DUSP11: variants seen among roughly 807,000 people sequenced by gnomAD.
DUSP11 encodes the protein RNA/RNP complex-1-interacting phosphatase.
DUSP11 carries 27 observed loss-of-function variants against 41.4 expected under a neutral mutation model. That is an observed-to-expected ratio of 0.65 (90% CI 0.48 to 0.90). DUSP11 has a LOEUF of 0.90. DUSP11 is among the 40% of genes least tolerant of loss of function. The pLI, the probability that DUSP11 is intolerant of heterozygous loss-of-function variation, is 0.00. For synonymous variants in DUSP11, 188 were observed against 159.3 expected (o/e 1.18, Z -1.35); for missense variants, 465 against 461.1 (o/e 1.01, Z -0.08).
chr2:73,770,827 C>A (rs934265779), intron 4 of DUSP11, among the ~76,000 whole-genome samples: 13 of 152,112 alleles, frequency 8.5e-5, no homozygotes, highest in Admixed American at 4.6e-4. Context: ...TCTGCCCAGC[C>A]CCAACCTCTC....
intron 8 of DUSP11, 39 bp downstream of exon 8, chr2:73,766,379 C>T (rs1337045038): frequency 1.3e-6 from 2 of 1,523,954 alleles, no homozygotes; most frequent in African/African-American, 2.8e-5. Flanking sequence ...GTATTAATTT[C>T]TATCTCAATT....
chr2:73,774,996 G>C (rs1443585398), exon 3 of DUSP11: 1 of 1,612,338 alleles, frequency 6.2e-7, no homozygotes. Context: ...TTGTTAAAAA[G>C]ATCCAAAGGG....
At chr2:73,769,359 A>C in intron 4 of DUSP11, 34 bp from the exon 5 acceptor site, 1 of 1,449,538 alleles carries the variant, frequency 6.9e-7, no homozygotes, top group Non-Finnish European at 9.7e-7. Context: ...AAGTAACTGA[A>C]GTAGATACAC....
chr2:73,767,109 T>G (rs1672480288), intron 6 of DUSP11, 52 bp downstream of exon 6: 3 of 1,511,706 alleles, frequency 2.0e-6, no homozygotes, highest in African/African-American at 1.4e-5. Context: ...CTTCTACATT[T>G]CCACCTTTAA....
At chr2:73,771,464 T>C (rs980504229) in intron 4 of DUSP11, among the ~76,000 whole-genome samples, 12 of 151,998 alleles carry the variant, frequency 7.9e-5, no homozygotes, top group African/African-American at 1.4e-4. Context: ...CTGCACTTAA[T>C]TTATTCTTTT....
chr2:73,769,551 T>A (rs535891528), intron 4 of DUSP11, among the ~76,000 whole-genome samples: 1 of 152,278 alleles, frequency 6.6e-6, no homozygotes, highest in African/African-American at 2.4e-5. Context: ...CACTAACAGC[T>A]AAAACTGCAA....
chr2:73,762,654 G>A, exon 9 of DUSP11: 1 of 1,607,896 alleles, frequency 6.2e-7, no homozygotes, highest in Non-Finnish European at 8.5e-7. Flanking sequence ...TCCAGGACAG[G>A]TTTGTATCAC....
chr2:73,772,310 TG>T (rs1672597731), intron 4 of DUSP11, among the ~76,000 whole-genome samples: 1 of 151,996 alleles, frequency 6.6e-6, no homozygotes, highest in Non-Finnish European at 1.5e-5. Context: ...GAGTGGAGAG[TG>T]TAGTGTCCTC....
chr2:73,772,827 C>A (rs549743744), intron 4 of DUSP11, among the ~76,000 whole-genome samples: 12 of 152,316 alleles, frequency 7.9e-5, no homozygotes, highest in African/African-American at 2.6e-4. Context: ...ACCCACTGAT[C>A]CAGTCTCTAT....
rs1165419307 is a variant in DUSP11, at chr2:73,766,447, G to T, written c.906C>A (p.Thr302=). 2.5e-6 allele frequency: 4 copies of T among 1,612,774 alleles called. No individual in the cohort carries two copies. The Admixed American group carries it at 6.7e-5, about 27-fold the overall frequency. The stretch of plus-strand genomic sequence containing the variant: ...CTGATTGTTGCAAACTTTGGGTCTG[G>T]GTGTGGAAATGTCGAGGAGCTGAGT... The change falls in exon 8 of 9, where the codon ACC becomes ACA. Residue 302 remains threonine, a synonymous_variant. Transcript: ENST00000272444.
chr2:73,765,545 C>T (rs1207731430), intron 8 of DUSP11, among the ~76,000 whole-genome samples: 1 of 151,962 alleles, frequency 6.6e-6, no homozygotes, highest in African/African-American at 2.4e-5. Context: ...CTCCTCCTCC[C>T]ATCCACCCAC....
intron 2 of DUSP11, among the ~76,000 whole-genome samples, chr2:73,777,999 A>G (rs1043225382): frequency 2.6e-5 from 4 of 152,154 alleles, no homozygotes; most frequent in African/African-American, 9.7e-5. Context: ...TGGCGCAGGC[A>G]ACTATTACTC....
intron 5 of DUSP11, chr2:73,768,676 G>T: frequency 1.0e-6 from 1 of 985,400 alleles, no homozygotes; most frequent in Non-Finnish European, 1.2e-6. Flanking sequence ...AAGGAGTCTG[G>T]CCAGGCGCGG....
At chr2:73,779,281 A>G (rs1672746308) in intron 1 of DUSP11, among the ~76,000 whole-genome samples, 1 of 152,250 alleles carries the variant, frequency 6.6e-6, no homozygotes. Flanking sequence ...AAGATAGTAG[A>G]TAAAATGAAG....
chr2:73,772,509 C>T (rs180840402), intron 4 of DUSP11, among the ~76,000 whole-genome samples: 124 of 152,296 alleles, frequency 8.1e-4, no homozygotes, highest in African/African-American at 3.0e-3. Flanking sequence ...ATAACGTGAA[C>T]AACTAAGATT....
chr2:73,779,109 C>T (rs1672742562), intron 1 of DUSP11, among the ~76,000 whole-genome samples: 1 of 152,296 alleles, frequency 6.6e-6, no homozygotes, highest in Non-Finnish European at 1.5e-5. Context: ...CGAGATTGGA[C>T]CATTGCACTC....
chr2:73,776,287 C>G (rs542974411), intron 2 of DUSP11, among the ~76,000 whole-genome samples: 1 of 151,574 alleles, frequency 6.6e-6, no homozygotes, highest in Non-Finnish European at 1.5e-5. Context: ...TGGTGGCAGG[C>G]GCCGGTAGTT....
In DUSP11 at chr2:73,762,690, A is replaced by G; in HGVS notation, c.1105T>C (p.Tyr369His). The G allele has an allele frequency of 1.9e-6, 3 of 1,613,314 alleles. No individual in the cohort carries two copies. The South Asian group carries it at 3.3e-5, about 18-fold the overall frequency. The change falls in exon 9 of 9, where the codon TAT (tyrosine) becomes CAT (histidine). Residue 369 changes from tyrosine to histidine, a missense_variant. Tyr to His is a moderately conservative substitution (Grantham distance 83). Coordinates refer to ENST00000272444, the Ensembl canonical transcript of DUSP11. ...TGGGTCCATTCCCAACAGGCTGGAT[A>G]GGAGAGTCTGGAGTAATTATAAGGA... is the stretch of plus-strand genomic sequence containing the variant.
intron 4 of DUSP11, among the ~76,000 whole-genome samples, chr2:73,770,435 A>C (rs189351905): frequency 2.2e-4 from 34 of 151,914 alleles, no homozygotes; most frequent in African/African-American, 8.2e-4. Context: ...GAATTGCTTG[A>C]ACCCAGGAGA....
Sources: gnomAD v4.1 joint callset for allele counts (sites outside exome capture counted in the v4.1 genomes callset) on GRCh38, gnomAD v4.1.1 for gene constraint, MANE v1.5 for transcripts, NCBI Gene and HGNC (gene_info 2026-07-23, HGNC 2026-07-21) for gene names.